ERC1: variants seen among roughly 807,000 people sequenced by gnomAD.
ERC1 encodes the protein RAB6 interacting protein 2.
Under a neutral mutation model 132.0 loss-of-function variants are expected in ERC1, and 56 were observed. The ratio of observed to expected loss-of-function variants is 0.42; its 90% CI spans 0.34 to 0.53. The LOEUF (loss-of-function observed/expected upper bound fraction) is 0.53, where lower values mean the gene tolerates loss of function less well. Ranked by LOEUF, ERC1 falls within the 20% of genes least tolerant of loss-of-function variation. The probability of loss-of-function intolerance (pLI) is 0.03; values close to 1 mark genes in which losing one functional copy is unlikely to be tolerated. For missense variants in ERC1, 1,202 were observed against 1,349.9 expected (o/e 0.89, Z 1.72); for synonymous variants, 478 against 476.1 (o/e 1.00, Z -0.05).
At chr12:1,132,214 G>A (rs945414632) in intron 7 of ERC1, among the ~76,000 whole-genome samples, 1 of 152,132 alleles carries the variant, frequency 6.6e-6, no homozygotes, top group African/African-American at 2.4e-5. Flanking sequence ...TTTGAATTCT[G>A]TACTGCACAA....
At chr12:1,416,518 C>T (rs1461265256) in intron 17 of ERC1, among the ~76,000 whole-genome samples, 1 of 152,054 alleles carries the variant, frequency 6.6e-6, no homozygotes, top group Admixed American at 6.5e-5. Context: ...TATTGGACAC[C>T]CATAATTCAA....
intron 14 of ERC1, among the ~76,000 whole-genome samples, chr12:1,270,449 C>T (rs1032994547): frequency 5.9e-5 from 9 of 152,096 alleles, no homozygotes; most frequent in Non-Finnish European, 1.3e-4. Context: ...CTCAGGTGAC[C>T]CACCCGCCTC....
intron 15 of ERC1, among the ~76,000 whole-genome samples, chr12:1,311,696 G>A (rs2081318560): frequency 6.6e-6 from 1 of 152,120 alleles, no homozygotes; most frequent in South Asian, 2.1e-4. Context: ...GATCCAGTTG[G>A]CATAAAATGT....
chr12:1,490,431 C>T lies in ERC1; in HGVS notation c.*201C>T. 2 of 578,564 alleles carry T rather than the reference C, an allele frequency of 3.5e-6. No individual in the cohort carries two copies. Among genetic ancestry groups the T allele is most frequent in the East Asian group, 5.6e-5 (2 of 35,404 alleles). 35.8% of individuals were successfully genotyped at this position (578,564 alleles called of 1,614,324 possible). Reference sequence around the variant, plus strand: ...TTCTGCTTTGGATGTGGTCTCTACACTAACCTTCTTGATGTCCAGGGTAGA... The same window carrying T: ...TTCTGCTTTGGATGTGGTCTCTACATTAACCTTCTTGATGTCCAGGGTAGA... On this transcript the variant is annotated 3_prime_UTR_variant, in exon 19 of 19. Coordinates refer to ENST00000360905, the MANE Select transcript of ERC1 (RefSeq NM_178040.4).
chr12:1,279,980 C>A (rs1253897779), intron 14 of ERC1, among the ~76,000 whole-genome samples: 1 of 152,190 alleles, frequency 6.6e-6, no homozygotes. Context: ...AGATGTGAGC[C>A]ACCGTGCCCG....
At chr12:1,441,823 C>T (rs561564840) in intron 17 of ERC1, among the ~76,000 whole-genome samples, 2 of 152,280 alleles carry the variant, frequency 1.3e-5, no homozygotes, top group African/African-American at 4.8e-5. Context: ...CGTGATGAGA[C>T]GGTTTCGTCA....
chr12:1,045,457 C>T (rs1287597587), intron 2 of ERC1, among the ~76,000 whole-genome samples: 1 of 151,998 alleles, frequency 6.6e-6, no homozygotes, highest in South Asian at 2.1e-4. Flanking sequence ...GATATAGATG[C>T]TAATATATCT....
chr12:1,065,135 G>C (rs548292438), intron 2 of ERC1, among the ~76,000 whole-genome samples: 266 of 152,126 alleles, frequency 1.7e-3, no homozygotes, highest in Middle Eastern at 6.8e-3. Context: ...TGAGTAGCTG[G>C]GATTACAGGT....
chr12:1,183,569 G>A (rs933461256), intron 11 of ERC1, 148 bp downstream of exon 11: 4 of 459,992 alleles, frequency 8.7e-6, no homozygotes, highest in South Asian at 7.0e-5. Context: ...AATTATCTTA[G>A]CATTCTTATC....
chr12:1,241,506 T>A (rs182066866), intron 13 of ERC1, among the ~76,000 whole-genome samples: 1 of 152,338 alleles, frequency 6.6e-6, no homozygotes, highest in African/African-American at 2.4e-5. Flanking sequence ...TTGCTTATCT[T>A]GTCCTTTCAA....
At chr12:1,053,035 G>A (rs534766300) in intron 2 of ERC1, among the ~76,000 whole-genome samples, 34 of 151,952 alleles carry the variant, frequency 2.2e-4, no homozygotes, top group African/African-American at 8.2e-4. Flanking sequence ...TAGTTTATTT[G>A]AATAGTTCAT....
intron 16 of ERC1, among the ~76,000 whole-genome samples, chr12:1,404,947 A>T (rs1324099299): frequency 2.0e-5 from 3 of 151,870 alleles, no homozygotes; most frequent in Admixed American, 6.6e-5. Context: ...GAGACCAGCC[A>T]GGCCAGCATA....
intron 16 of ERC1, among the ~76,000 whole-genome samples, chr12:1,396,371 C>T (rs1019500662): frequency 2.6e-5 from 4 of 152,168 alleles, no homozygotes; most frequent in African/African-American, 7.2e-5. Context: ...ACAAACCTAT[C>T]ATTTTTTTGC....
chr12:991,691 G>T (rs78716018), intron 1 of ERC1: 161 of 152,168 alleles, frequency 1.1e-3, no homozygotes, highest in Non-Finnish European at 1.7e-3. Flanking sequence ...GGGAGCGGAG[G>T]GGGGGAGGCT....
At chr12:1,303,556 A>G (rs1172918458) in intron 15 of ERC1, among the ~76,000 whole-genome samples, 1 of 151,062 alleles carries the variant, frequency 6.6e-6, no homozygotes, top group African/African-American at 2.4e-5. Flanking sequence ...GGAGAATGGC[A>G]TGAACCCAGG....
chr12:1,477,813 T>G (rs2094004484), intron 18 of ERC1, among the ~76,000 whole-genome samples: 1 of 152,182 alleles, frequency 6.6e-6, no homozygotes, highest in African/African-American at 2.4e-5. Flanking sequence ...CACCACAGAT[T>G]AGTTCTGCCT....
chr12:1,362,289 A>C (rs2086201289), intron 15 of ERC1, among the ~76,000 whole-genome samples: 1 of 152,176 alleles, frequency 6.6e-6, no homozygotes, highest in African/African-American at 2.4e-5. Context: ...GACTCCAGCA[A>C]AGTTGCCAGC....
intron 2 of ERC1, among the ~76,000 whole-genome samples, chr12:1,065,479 T>TG (rs1491540621): frequency 6.0e-4 from 77 of 127,608 alleles, no homozygotes; most frequent in South Asian, 1.1e-3. Context: ...CTTTGTACCG[T>TG]TTGTGTGTGT....
chr12:1,078,696 A>G (rs1009583434), intron 2 of ERC1, among the ~76,000 whole-genome samples: 3 of 152,216 alleles, frequency 2.0e-5, no homozygotes, highest in Non-Finnish European at 2.9e-5. Context: ...TTTTCCTAAT[A>G]TGAAGAGCTC....
Sources: allele counts gnomAD v4.1 joint callset (sites outside exome capture counted in the v4.1 genomes callset), GRCh38; gene constraint gnomAD v4.1.1; transcripts MANE v1.5; gene names NCBI Gene and HGNC (gene_info 2026-07-23, HGNC 2026-07-21).